NAAA: variants seen among roughly 807,000 people sequenced by gnomAD.
NAAA encodes N-acylethanolamine-hydrolyzing acid amidase.
A neutral mutation model predicts 44.8 loss-of-function variants in NAAA; 39 were observed. The observed-to-expected ratio is 0.87, with a 90% CI of 0.67 to 1.14. The LOEUF is 1.14. Ranked by LOEUF, NAAA falls within the 50% of genes most tolerant of loss-of-function variation. The pLI is 0.00. For synonymous variants in NAAA, 178 were observed against 191.3 expected (o/e 0.93, Z 0.58); for missense variants, 460 against 467.8 (o/e 0.98, Z 0.15).
chr4:75,914,872 C>G lies in NAAA; in HGVS notation c.*32G>C. ...CACAAAACAGTAACAACAAACCTTT[C>G]ACAGCACGGGCGAACTCGCTCTTCT... On this transcript the variant is annotated 3_prime_UTR_variant, in exon 10 of 11. Coordinates refer to ENST00000286733, the MANE Select transcript of NAAA (RefSeq NM_014435.4). 1 of 1,612,142 alleles carries G rather than the reference C, an allele frequency of 6.2e-7. No individual in the cohort carries two copies. Among genetic ancestry groups the G allele is most frequent in the Non-Finnish European group, 8.5e-7 (1 of 1,178,404 alleles).
rs112866179 is a variant in NAAA, at chr4:75,931,423, A to G, written c.499-119T>C. ...TTATAAATTCCAACACAATAGAATA[A>G]AACTCTGAAATAGTCTTCTAAGACA... On this transcript the variant is annotated intron_variant, in intron 3 of 10. Coordinates refer to ENST00000286733, the MANE Select transcript of NAAA (RefSeq NM_014435.4). The G allele has an allele frequency of 1.8e-4, 126 of 686,232 alleles. No individual in the cohort carries two copies. In the African/African-American group the frequency reaches 2.0e-3, roughly 11 times the overall value. The allele number at this position is 686,232 out of a possible 1,614,324, so 42.5% of individuals were successfully genotyped here.
intron 5 of NAAA, 90 bp from the exon 6 acceptor site, chr4:75,921,213 T>A (rs913488136): frequency 3.4e-6 from 4 of 1,182,214 alleles, no homozygotes; most frequent in Non-Finnish European, 3.5e-6. Flanking sequence ...CACATTCTCC[T>A]GATATGTTAT....
downstream of NAAA, among the ~76,000 whole-genome samples, chr4:75,911,691 T>C (rs2149236808): frequency 6.6e-6 from 1 of 152,212 alleles, no homozygotes; most frequent in Admixed American, 6.5e-5. Flanking sequence ...AGACCAATCT[T>C]AGGTGCTATA....
intron 8 of NAAA, 145 bp from the exon 9 acceptor site, chr4:75,918,934 GGA>G: frequency 1.4e-6 from 1 of 714,236 alleles, no homozygotes; most frequent in Middle Eastern, 3.3e-4. Context: ...CTCAAGCCCA[GGA>G]GTTCAAGACC....
At position 75,913,792 on chromosome 4, in the gene NAAA, A is replaced by G; in HGVS notation, c.*583T>C. 1.0e-6 allele frequency: 1 copy of G among 984,860 alleles called. No homozygotes were observed. Among genetic ancestry groups the G allele is most frequent in the Non-Finnish European group, 1.2e-6 (1 of 829,398 alleles). The allele number at this position is 984,860 out of a possible 1,614,324, so 61.0% of individuals were successfully genotyped here. A position where few individuals can be genotyped will look rare whatever the true frequency, so the allele number is the denominator to read the frequency against. Reference sequence around the variant, plus strand: ...AGTAAGAAAGTAGCTATTGAGAAAGAAGGAGGGCCATAGGTTTTTCAATAA... The same window carrying G: ...AGTAAGAAAGTAGCTATTGAGAAAGGAGGAGGGCCATAGGTTTTTCAATAA... On this transcript the variant is annotated 3_prime_UTR_variant, in exon 11 of 11. Coordinates refer to ENST00000286733, the MANE Select transcript of NAAA (RefSeq NM_014435.4).
chr4:75,930,545 T>C (rs1727137660), intron 4 of NAAA: 1 of 508,046 alleles, frequency 2.0e-6, no homozygotes, highest in African/African-American at 1.9e-5. Context: ...ATGTGGCTTG[T>C]ATAACAGCAT....
rs1309969839 is a variant in NAAA at position 75,940,212 on chromosome 4, G to T, written c.207-47C>A. ...GCGTCTGACCCGCTCAGAGGTCGGC[G>T]GCGTGCGACTGCGTGTGCACTGCGA... On this transcript the variant is annotated intron_variant, in intron 1 of 10. Transcript: ENST00000286733. 5 of 1,584,606 alleles carry T rather than the reference G, an allele frequency of 3.2e-6. No homozygotes were observed. In the South Asian group the frequency reaches 5.6e-5, roughly 18 times the overall value.
intron 10 of NAAA, 120 bp downstream of exon 10, chr4:75,914,748 T>C (rs1205989618): frequency 4.8e-6 from 3 of 621,564 alleles, no homozygotes; most frequent in East Asian, 2.8e-5. Context: ...CAAATGACAA[T>C]GCCAGATGCT....
intron 2 of NAAA, among the ~76,000 whole-genome samples, chr4:75,937,360 G>A (rs999966546): frequency 3.9e-5 from 6 of 152,166 alleles, no homozygotes; most frequent in Admixed American, 6.5e-5. Flanking sequence ...CGGAGGTTGC[G>A]ATGAGCCAAG....
intron 2 of NAAA, among the ~76,000 whole-genome samples, chr4:75,938,330 C>T (rs190673675): frequency 1.3e-5 from 2 of 152,132 alleles, no homozygotes; most frequent in Non-Finnish European, 2.9e-5. Flanking sequence ...TTTACTAGAA[C>T]TTTTGCTTTA....
At position 75,913,810 on chromosome 4, in the gene NAAA, T is replaced by G; in HGVS notation, c.*565A>C. The G allele has an allele frequency of 1.0e-6, 1 of 985,258 alleles. No individual in the cohort carries two copies. Among genetic ancestry groups the G allele is most frequent in the Non-Finnish European group, 1.2e-6 (1 of 829,770 alleles). 61.0% of individuals were successfully genotyped at this position (985,258 alleles called of 1,614,324 possible). ...GAGAAAGAAGGAGGGCCATAGGTTT[T>G]TCAATAAAACGTTAGAAACATTATA... On this transcript the variant is annotated 3_prime_UTR_variant, in exon 11 of 11. Coordinates refer to ENST00000286733, the MANE Select transcript of NAAA (RefSeq NM_014435.4).
chr4:75,931,800 T>C (rs1464163885), intron 3 of NAAA, among the ~76,000 whole-genome samples: 1 of 152,262 alleles, frequency 6.6e-6, no homozygotes, highest in East Asian at 1.9e-4. Flanking sequence ...GAAATGGCTG[T>C]TTTCAACACA....
intron 4 of NAAA, among the ~76,000 whole-genome samples, chr4:75,930,186 G>A (rs1727104040): frequency 6.6e-6 from 1 of 152,148 alleles, no homozygotes; most frequent in Admixed American, 6.6e-5. Context: ...TAAACTTCAA[G>A]ATACTCCTTG....
chr4:75,927,950 C>T (rs1422648358), intron 4 of NAAA, among the ~76,000 whole-genome samples: 1 of 152,166 alleles, frequency 6.6e-6, no homozygotes, highest in Non-Finnish European at 1.5e-5. Flanking sequence ...GAATGTAACA[C>T]ATCACATGTG....
At chr4:75,918,628 G>T in intron 9 of NAAA, 133 bp downstream of exon 9, 2 of 797,366 alleles carry the variant, frequency 2.5e-6, no homozygotes, top group Non-Finnish European at 4.2e-6. Context: ...TGTACCCACA[G>T]GAGTGCCCCC....
In NAAA at chr4:75,940,836, C is replaced by G. The variant is rs765038362; in HGVS notation, c.114G>C (p.Val38=). 6.9e-5 allele frequency: 110 copies of G among 1,592,074 alleles called. No individual in the cohort carries two copies. Among genetic ancestry groups the G allele is most frequent in the Middle Eastern group, 5.0e-4 (3 of 5,968 alleles). ...ASPPAAPRFN[V]SLDSVPELRW... ...GCAGCTCGGGGACCGAGTCCAGGCT[C>G]ACGTTGAAGCGCGGCGCTGCTGGGG... is the stretch of plus-strand genomic sequence containing the variant. The change falls in exon 1 of 11, where the codon GTG becomes GTC. Residue 38 remains valine, a synonymous_variant. Coordinates refer to ENST00000286733, the MANE Select transcript of NAAA (RefSeq NM_014435.4).
At chr4:75,912,793 A>G (rs1384755356), downstream of NAAA, among the ~76,000 whole-genome samples, 1 of 151,996 alleles carries the variant, frequency 6.6e-6, no homozygotes, top group Non-Finnish European at 1.5e-5. Flanking sequence ...AAGACTAATG[A>G]GTAGAAATTT....
rs545865490 is a variant in NAAA, at chr4:75,940,652, C to T, written c.206+92G>A. ...TCTCCAAGGGTGGCGGGGAGTAAAGCGTCCCCGTTTAAAGCACTCTGAGCA... is the reference window on the plus strand; with the variant it reads ...TCTCCAAGGGTGGCGGGGAGTAAAGTGTCCCCGTTTAAAGCACTCTGAGCA... On this transcript the variant is annotated intron_variant, in intron 1 of 10. Transcript: ENST00000286733. The T allele has an allele frequency of 3.9e-5, 51 of 1,320,068 alleles. No individual in the cohort carries two copies. The African/African-American group carries it at 6.7e-4, about 17-fold the overall frequency. 81.8% of individuals were successfully genotyped at this position (1,320,068 alleles called of 1,614,324 possible). A position where few individuals can be genotyped will look rare whatever the true frequency, so the allele number is the denominator to read the frequency against.
chr4:75,920,664 T>C, intron 7 of NAAA, 74 bp downstream of exon 7: 1 of 1,577,038 alleles, frequency 6.3e-7, no homozygotes, highest in Non-Finnish European at 8.7e-7. Flanking sequence ...GTCTTGCCAG[T>C]TCCTGTGACA....
Sources: allele counts gnomAD v4.1 joint callset (sites outside exome capture counted in the v4.1 genomes callset), GRCh38; gene constraint gnomAD v4.1.1; transcripts MANE v1.5; gene names NCBI Gene and HGNC (gene_info 2026-07-23, HGNC 2026-07-21).